Variants in TMC2 observed in about 807,000 individuals in gnomAD.
TMC2 encodes transmembrane channel-like protein 2.
Under a neutral mutation model 105.9 loss-of-function variants are expected in TMC2, and 102 were observed. The observed-to-expected ratio is 0.96, with a 90% CI of 0.82 to 1.14. The LOEUF (loss-of-function observed/expected upper bound fraction) is 1.14, where lower values mean the gene tolerates loss of function less well. TMC2 is among the 50% of genes most tolerant of loss of function. TMC2 has a pLI of 0.00. For synonymous variants in TMC2, 402 were observed against 422.8 expected (o/e 0.95, Z 0.60); for missense variants, 1,093 against 1,134.3 (o/e 0.96, Z 0.52).
chr20:2,548,931 A>C (rs77132814), intron 2 of TMC2, among the ~76,000 whole-genome samples: 2 of 152,176 alleles, frequency 1.3e-5, no homozygotes, highest in African/African-American at 4.8e-5. Flanking sequence ...GTAGAATAAA[A>C]ACGTAAGCTA....
At chr20:2,560,803 C>T (rs1404249370) in intron 3 of TMC2, among the ~76,000 whole-genome samples, 3 of 149,214 alleles carry the variant, frequency 2.0e-5, no homozygotes, top group Non-Finnish European at 4.4e-5. Flanking sequence ...CGCCACTGCA[C>T]TCCAGCCTGG....
chr20:2,595,703 C>A (rs1424203656), intron 9 of TMC2, among the ~76,000 whole-genome samples: 1 of 152,148 alleles, frequency 6.6e-6, no homozygotes, highest in Admixed American at 6.5e-5. Context: ...CCTACACAAA[C>A]CTATCCACCT....
intron 14 of TMC2, among the ~76,000 whole-genome samples, chr20:2,614,586 G>A (rs77757583): frequency 0.14 from 20,592 of 151,948 alleles, 1,649 homozygotes; most frequent in Middle Eastern, 0.22. Flanking sequence ...GTCTCAAAAA[G>A]TATATAAAGA....
At chr20:2,554,606 C>T (rs2085975329) in intron 2 of TMC2, among the ~76,000 whole-genome samples, 2 of 152,184 alleles carry the variant, frequency 1.3e-5, no homozygotes, top group African/African-American at 4.8e-5. Context: ...ACTGCTTTTG[C>T]TGCATCCCAT....
At chr20:2,548,501 G>A (rs1260290257) in intron 2 of TMC2, among the ~76,000 whole-genome samples, 1 of 151,996 alleles carries the variant, frequency 6.6e-6, no homozygotes, top group Non-Finnish European at 1.5e-5. Flanking sequence ...AGCTGGGTGT[G>A]GTGGAGCATG....
rs2085995457 is a variant in TMC2, at chr20:2,558,075, C to T, written c.83-381C>T. 4.8e-6 allele frequency: 1 copy of T among 206,954 alleles called. No homozygotes were observed. The highest frequency in any genetic ancestry group is 9.5e-5 in the South Asian group (1 of 10,502). 12.8% of individuals were successfully genotyped at this position (206,954 alleles called of 1,614,324 possible). On this transcript the variant is annotated intron_variant, in intron 2 of 19. Coordinates refer to ENST00000358864, the MANE Select transcript of TMC2 (RefSeq NM_080751.3). This position sits in a 1 kb window ranked among gnomAD's most constrained non-coding sequence, Gnocchi z 4.6. ...ATGGAGAGTTGTGCAGAAGTATGAT[C>T]GGAGGACAAAAGGGTATGATGTCAT...
chr20:2,591,612 G>A (rs2086268818), intron 7 of TMC2, among the ~76,000 whole-genome samples: 1 of 152,144 alleles, frequency 6.6e-6, no homozygotes, highest in Non-Finnish European at 1.5e-5. Context: ...GGCTGAGGTG[G>A]GAGGATCACG....
intron 2 of TMC2, among the ~76,000 whole-genome samples, chr20:2,557,554 G>C (rs932838142): frequency 2.0e-5 from 3 of 152,054 alleles, no homozygotes; most frequent in Admixed American, 6.5e-5. Flanking sequence ...TCTTCAGATG[G>C]AGTCTCGCTC....
chr20:2,641,021 C>A, intron 19 of TMC2, 113 bp from the exon 20 acceptor site: 1 of 895,572 alleles, frequency 1.1e-6, no homozygotes, highest in Non-Finnish European at 1.8e-6. Context: ...ACAGCTCTCA[C>A]ATCACCAAAT....
intron 2 of TMC2, among the ~76,000 whole-genome samples, chr20:2,542,509 G>A (rs949710986): frequency 2.0e-5 from 3 of 152,116 alleles, no homozygotes; most frequent in Admixed American, 1.3e-4. Context: ...AAGGGCAGAG[G>A]AGCGACATAT....
intron 16 of TMC2, among the ~76,000 whole-genome samples, chr20:2,619,379 CTT>C (rs1345582573): frequency 6.6e-6 from 1 of 152,094 alleles, no homozygotes; most frequent in Non-Finnish European, 1.5e-5. Context: ...TTGGAGGAAA[CTT>C]TATGTAGGAA....
intron 2 of TMC2, among the ~76,000 whole-genome samples, chr20:2,539,180 G>A (rs2085871992): frequency 6.6e-6 from 1 of 152,194 alleles, no homozygotes; most frequent in South Asian, 2.1e-4. Flanking sequence ...GGGCTTGGAG[G>A]CCTTCCTAGC....
intron 5 of TMC2, 119 bp downstream of exon 5, chr20:2,572,388 GGT>G (rs1912714614): frequency 1.4e-6 from 1 of 731,220 alleles, no homozygotes; most frequent in Non-Finnish European, 2.4e-6. Context: ...CAGAATCCTG[GGT>G]GTGAGGGCCA....
At chr20:2,576,909 T>TTG (rs1555773207) in intron 5 of TMC2, among the ~76,000 whole-genome samples, 2 of 121,504 alleles carry the variant, frequency 1.6e-5, no homozygotes, top group African/African-American at 6.4e-5. Flanking sequence ...GGTTTTTTTT[T>TTG]TTTGTTTTTT....
intron 2 of TMC2, among the ~76,000 whole-genome samples, chr20:2,537,613 G>A (rs1011785658): frequency 6.6e-6 from 1 of 151,638 alleles, no homozygotes; most frequent in African/African-American, 2.4e-5. Context: ...GAAGCTCGGT[G>A]CAGGCTTCTG....
At chr20:2,554,968 A>C (rs544611940) in intron 2 of TMC2, among the ~76,000 whole-genome samples, 1 of 152,246 alleles carries the variant, frequency 6.6e-6, no homozygotes, top group Non-Finnish European at 1.5e-5. Flanking sequence ...TATTCAGTTC[A>C]ACTATGTCCT....
intron 17 of TMC2, among the ~76,000 whole-genome samples, chr20:2,626,092 C>G (rs2086562510): frequency 6.6e-6 from 1 of 150,548 alleles, no homozygotes; most frequent in Non-Finnish European, 1.5e-5. Flanking sequence ...ATAATGTTAT[C>G]TTTCCCCAAA....
chr20:2,605,250 G>A (rs2086380980), intron 11 of TMC2, among the ~76,000 whole-genome samples: 1 of 152,168 alleles, frequency 6.6e-6, no homozygotes, highest in Admixed American at 6.5e-5. Context: ...TGTCAGAAGT[G>A]TCCTGGAAGT....
rs1269593969 is a variant in TMC2, at chr20:2,613,342, A to G, written c.1872+20A>G. 7 of 1,614,002 alleles carry G rather than the reference A, an allele frequency of 4.3e-6. No homozygotes were observed. Among genetic ancestry groups the G allele is most frequent in the Non-Finnish European group, 5.9e-6 (7 of 1,179,930 alleles). On this transcript the variant is annotated intron_variant, in intron 14 of 19. Coordinates refer to ENST00000358864, the MANE Select transcript of TMC2 (RefSeq NM_080751.3). Reference sequence around the variant, plus strand: ...GGATTTGTAGGTCACCACTTCATGGACATTCCGCACAAAGGAATTTCAACT... The same window carrying G: ...GGATTTGTAGGTCACCACTTCATGGGCATTCCGCACAAAGGAATTTCAACT...
Sources: allele counts gnomAD v4.1 joint callset (sites outside exome capture counted in the v4.1 genomes callset), GRCh38; gene constraint gnomAD v4.1.1; non-coding constraint Gnocchi (gnomAD v3.1); transcripts MANE v1.5; gene names NCBI Gene and HGNC (gene_info 2026-07-23, HGNC 2026-07-21).